SEMA3A: variants seen among roughly 807,000 people sequenced by gnomAD.
SEMA3A encodes the protein semaphorin-3A.
In SEMA3A, 29 loss-of-function variants were observed where a neutral mutation model predicts 97.9. That is an observed-to-expected ratio of 0.30 (90% CI 0.22 to 0.40). SEMA3A has a LOEUF of 0.40. Ranked by LOEUF, SEMA3A falls within the 10% of genes least tolerant of loss-of-function variation. The probability of loss-of-function intolerance (pLI) is 1.00; values close to 1 mark genes in which losing one functional copy is unlikely to be tolerated. For missense variants in SEMA3A, 763 were observed against 951.3 expected, an observed-to-expected ratio of 0.80 and a Z score of 2.60; for synonymous variants, 321 against 323.7, an observed-to-expected ratio of 0.99 and a Z score of 0.09.
chr7:84,049,084 G>A (rs761680336), intron 5 of SEMA3A, among the ~76,000 whole-genome samples: 6 of 151,980 alleles, frequency 3.9e-5, no homozygotes, highest in Non-Finnish European at 8.8e-5. Context: ...AGTAGAACAG[G>A]TATTCAGTAA....
chr7:84,313,354 GTGTATATATATATA>G (rs1162241762), intron 2 of SEMA3A, among the ~76,000 whole-genome samples: 677 of 36,800 alleles, frequency 0.018, 28 homozygotes, highest in South Asian at 0.034. Context: ...ATATGTGTGT[GTGTATATATATATA>G]TATATATATA....
At chr7:84,273,975 T>TA (rs750903749) in intron 3 of SEMA3A, among the ~76,000 whole-genome samples, 2 of 151,988 alleles carry the variant, frequency 1.3e-5, no homozygotes, top group Non-Finnish European at 2.9e-5. Flanking sequence ...TCAGTTTAAA[T>TA]AAAAAATAAA....
chr7:84,267,377 G>T (rs1320683436), intron 3 of SEMA3A, among the ~76,000 whole-genome samples: 1 of 151,182 alleles, frequency 6.6e-6, no homozygotes, highest in Non-Finnish European at 1.5e-5. Flanking sequence ...CTTCTCAATG[G>T]AGGAACTGTT....
chr7:84,090,244 C>G (rs935573919), intron 4 of SEMA3A, among the ~76,000 whole-genome samples: 2 of 152,006 alleles, frequency 1.3e-5, no homozygotes, highest in Non-Finnish European at 2.9e-5. Flanking sequence ...GGTTTAGGTA[C>G]TAGGTAAGTG....
intron 3 of SEMA3A, among the ~76,000 whole-genome samples, chr7:84,112,063 C>G (rs1795289839): frequency 6.6e-6 from 1 of 152,164 alleles, no homozygotes; most frequent in Admixed American, 6.6e-5. Context: ...ATCTGATAAA[C>G]TCATTTACAA....
At position 84,351,762 on chromosome 7, in the gene SEMA3A, G is replaced by T. The variant is rs1380540863; in HGVS notation, c.-169+20062C>A. ...GAAGTAAAGAGAACCCTTGTACACT[G>T]TTGGTGGGAATGTAAATTAGTACAG... On this transcript the variant is annotated intron_variant, in intron 2 of 3. Coordinates refer to the SEMA3A transcript ENST00000424555. 5.3e-5 allele frequency among the ~76,000 whole-genome samples: 8 copies of T among 152,158 alleles called. No individual in the cohort carries two copies. The South Asian group carries it at 1.7e-3, about 31-fold the overall frequency.
At chr7:84,250,398 A>C (rs1799580349) in intron 3 of SEMA3A, among the ~76,000 whole-genome samples, 1 of 152,160 alleles carries the variant, frequency 6.6e-6, no homozygotes, top group Non-Finnish European at 1.5e-5. Context: ...AAATCAAATG[A>C]CTTTGACGAT....
intron 4 of SEMA3A, among the ~76,000 whole-genome samples, chr7:84,085,350 T>C (rs1375918508): frequency 4.0e-5 from 6 of 151,494 alleles, no homozygotes; most frequent in African/African-American, 7.3e-5. Context: ...GAGGATATCA[T>C]ATTACACAGG....
chr7:83,977,574 T>C (rs1434208847), intron 14 of SEMA3A, among the ~76,000 whole-genome samples: 1 of 151,718 alleles, frequency 6.6e-6, no homozygotes, highest in Non-Finnish European at 1.5e-5. Context: ...TAATAATCCA[T>C]TTTTTTCAAT....
intron 4 of SEMA3A, among the ~76,000 whole-genome samples, chr7:84,077,033 T>A (rs1198480306): frequency 6.6e-6 from 1 of 152,132 alleles, no homozygotes; most frequent in Non-Finnish European, 1.5e-5. Context: ...CCTGCCATGG[T>A]ATAATTATTC....
intron 1 of SEMA3A, among the ~76,000 whole-genome samples, chr7:84,447,519 G>A (rs758241942): frequency 7.2e-5 from 11 of 152,024 alleles, no homozygotes; most frequent in Non-Finnish European, 1.6e-4. Flanking sequence ...AAAACTCCCC[G>A]AACTCAGCTA....
chr7:84,462,067 T>A (rs535590700), intron 1 of SEMA3A, among the ~76,000 whole-genome samples: 1 of 152,256 alleles, frequency 6.6e-6, no homozygotes, highest in Non-Finnish European at 1.5e-5. Flanking sequence ...ATAGCCAATA[T>A]ATATTAATAA....
At position 84,091,212 on chromosome 7, in the gene SEMA3A, GAAAAGA is replaced by G. The variant is rs150926710; in HGVS notation, c.453+19252_453+19257del. ...AGAAAGAAAGAAAGAAAGAAAGAAA[GAAAAGA>G]AAAGAAAGAAAAGAAAGAAGGAAGG... On this transcript the variant is annotated intron_variant, in intron 4 of 16. Transcript: ENST00000265362. Among the ~76,000 whole-genome samples, 51 of 61,956 alleles carry G rather than the reference GAAAAGA, an allele frequency of 8.2e-4. 2 individuals are homozygous for G. The highest frequency in any genetic ancestry group is 4.7e-3 in the East Asian group (10 of 2,122). The allele number at this position is 61,956 out of a possible 152,430, so 40.6% of individuals were successfully genotyped here.
At chr7:84,262,491 G>A (rs1799882269) in intron 3 of SEMA3A, among the ~76,000 whole-genome samples, 1 of 152,146 alleles carries the variant, frequency 6.6e-6, no homozygotes, top group Admixed American at 6.5e-5. Context: ...TGGGATTACA[G>A]GTGTAAGCCA....
chr7:84,007,720 G>T (rs2116403106), intron 9 of SEMA3A, among the ~76,000 whole-genome samples: 1 of 152,230 alleles, frequency 6.6e-6, no homozygotes. Context: ...GGTGAAAATG[G>T]CTTCAGTACT....
At chr7:84,246,507 C>G (rs1158882898) in intron 3 of SEMA3A, among the ~76,000 whole-genome samples, 1 of 151,980 alleles carries the variant, frequency 6.6e-6, no homozygotes, top group Non-Finnish European at 1.5e-5. Flanking sequence ...TAAAATAAGA[C>G]AGAGGTTATA....
At chr7:84,275,228 T>A in intron 3 of SEMA3A, among the ~76,000 whole-genome samples, 1 of 152,092 alleles carries the variant, frequency 6.6e-6, no homozygotes, top group Admixed American at 6.6e-5. Context: ...TACATCCACT[T>A]ACCAGACATA....
chr7:84,396,678 C>T (rs767256321), intron 1 of SEMA3A, among the ~76,000 whole-genome samples: 1 of 151,950 alleles, frequency 6.6e-6, no homozygotes, highest in Non-Finnish European at 1.5e-5. Flanking sequence ...GAACAAACCT[C>T]CAAAGATAGT....
At chr7:84,075,866 T>C (rs559031974) in intron 4 of SEMA3A, among the ~76,000 whole-genome samples, 53 of 152,284 alleles carry the variant, frequency 3.5e-4, no homozygotes, top group Non-Finnish European at 6.6e-4. Context: ...GACTAAGAAT[T>C]TCCCCATTAC....
Sources: allele counts gnomAD v4.1 joint callset (sites outside exome capture counted in the v4.1 genomes callset), GRCh38; gene constraint gnomAD v4.1.1; transcripts MANE v1.5; gene names NCBI Gene and HGNC (gene_info 2026-07-23, HGNC 2026-07-21).